PLEKHH1: variants seen among roughly 807,000 people sequenced by gnomAD.
PLEKHH1 encodes pleckstrin homology, MyTH4 and FERM domain containing H1, also known as pleckstrin homology domain-containing family H member 1.
A neutral mutation model predicts 160.0 loss-of-function variants in PLEKHH1; 104 were observed. The ratio of observed to expected loss-of-function variants is 0.65; its 90% CI spans 0.55 to 0.76. PLEKHH1 has a LOEUF of 0.76. Among genes scored for constraint, PLEKHH1 ranks in the 30% least tolerant of loss-of-function variants. PLEKHH1 has a pLI of 0.00. For missense variants in PLEKHH1, 1,427 were observed against 1,724.1 expected (o/e 0.83, Z 3.05); for synonymous variants, 619 against 678.4 (o/e 0.91, Z 1.36).
chr14:67,566,641 A>G (rs944407290), intron 7 of PLEKHH1, among the ~76,000 whole-genome samples: 2 of 151,996 alleles, frequency 1.3e-5, no homozygotes, highest in African/African-American at 4.8e-5. Context: ...CCAGCTACTC[A>G]GGAGGCTTAA....
intron 22 of PLEKHH1, chr14:67,580,292 T>C (rs2035833073): frequency 5.6e-6 from 1 of 177,808 alleles, no homozygotes; most frequent in South Asian, 1.4e-4. Flanking sequence ...GCCTATGCCA[T>C]GCTTATAGGT....
At chr14:67,567,268 A>G (rs1446698240) in intron 7 of PLEKHH1, among the ~76,000 whole-genome samples, 2 of 152,168 alleles carry the variant, frequency 1.3e-5, no homozygotes, top group African/African-American at 4.8e-5. Context: ...ATGTCAGAGA[A>G]CATTTCTCAA....
chr14:67,572,364 T>G, intron 11 of PLEKHH1, 87 bp downstream of exon 11: 4 of 871,028 alleles, frequency 4.6e-6, no homozygotes, highest in Non-Finnish European at 6.3e-6. Flanking sequence ...AGGCAGTAGC[T>G]GCCTGAAGTG....
Position 67,578,860 on chromosome 14 carries a change from ACT to A in PLEKHH1, c.2849+233_2849+234del, listed in dbSNP as rs1024429732. ...ATGTATCCACGGATGTACTGTGGCA[ACT>A]CTCACATGAAGCCACACTGCTCCCA... On this transcript the variant is annotated intron_variant, in intron 20 of 28. Transcript: ENST00000329153. This position sits in a 1 kb window ranked among gnomAD's most constrained non-coding sequence, Gnocchi z 5.0. Among the ~76,000 whole-genome samples the A allele has an allele frequency of 3.3e-5, 5 of 152,020 alleles. No homozygotes were observed. Among genetic ancestry groups the A allele is most frequent in the Admixed American group, 1.3e-4 (2 of 15,254 alleles).
chr14:67,544,238 T>C (rs1401722126), intron 2 of PLEKHH1, among the ~76,000 whole-genome samples: 1 of 152,148 alleles, frequency 6.6e-6, no homozygotes, highest in Non-Finnish European at 1.5e-5. Flanking sequence ...TAGTTAAGGC[T>C]CTGGGTAGAA....
At chr14:67,579,050 TG>T in intron 20 of PLEKHH1, 83 bp from the exon 21 acceptor site, 1 of 932,334 alleles carries the variant, frequency 1.1e-6, no homozygotes, top group Non-Finnish European at 1.6e-6. Context: ...GTTTTGGTCC[TG>T]GCTGAGTCTA....
At chr14:67,536,573 G>T (rs2033727349) in intron 1 of PLEKHH1, among the ~76,000 whole-genome samples, 1 of 151,766 alleles carries the variant, frequency 6.6e-6, no homozygotes, top group African/African-American at 2.4e-5. Context: ...CTATTTTGAG[G>T]CCTGTGGTGA....
intron 26 of PLEKHH1, chr14:67,585,304 T>C (rs2036098579): frequency 4.5e-6 from 2 of 444,202 alleles, no homozygotes; most frequent in South Asian, 4.5e-5. Context: ...CAGCATGGGT[T>C]CTAGGGACAT....
At chr14:67,560,149 C>T (rs2034771973) in intron 5 of PLEKHH1, among the ~76,000 whole-genome samples, 2 of 152,058 alleles carry the variant, frequency 1.3e-5, no homozygotes, top group African/African-American at 4.8e-5. Context: ...GCCTCAGCCT[C>T]CCTGAGTAGC....
chr14:67,552,347 T>A (rs867149465), intron 2 of PLEKHH1, among the ~76,000 whole-genome samples: 5 of 152,166 alleles, frequency 3.3e-5, no homozygotes, highest in Admixed American at 6.5e-5. Context: ...AGAAGAAAGA[T>A]CTGCCCTCGT....
intron 15 of PLEKHH1, 118 bp from the exon 16 acceptor site, chr14:67,575,705 C>T (rs1738986737): frequency 2.5e-6 from 2 of 798,432 alleles, no homozygotes; most frequent in Non-Finnish European, 4.1e-6. Flanking sequence ...TCCACCTCCC[C>T]ATCCTGTCAT....
chr14:67,572,012 A>C (rs2236233), intron 10 of PLEKHH1, 110 bp downstream of exon 10: 1 of 1,481,354 alleles, frequency 6.8e-7, no homozygotes, highest in Non-Finnish European at 9.1e-7. Flanking sequence ...GTGACCCCCC[A>C]GCAGCTCCAC....
rs533957302 is a variant in PLEKHH1 at position 67,589,425 on chromosome 14, C to CTGA, written c.*2192_*2194dup. On this transcript the variant is annotated 3_prime_UTR_variant, in exon 29 of 29. Transcript: ENST00000329153. Reference sequence around the variant, plus strand: ...CTTCTTGGCAAAAGTAGCTTTTGAACTGATATAAAAAAAAATGCTGAGTAA... The same window carrying CTGA: ...CTTCTTGGCAAAAGTAGCTTTTGAACTGATGATATAAAAAAAAATGCTGAGTAA... 1.7e-5 allele frequency: 17 copies of CTGA among 985,004 alleles called. No individual in the cohort carries two copies. The highest frequency in any genetic ancestry group is 5.3e-5 in the African/African-American group (3 of 57,138). 61.0% of individuals were successfully genotyped at this position (985,004 alleles called of 1,614,324 possible).
intron 23 of PLEKHH1, 118 bp from the exon 24 acceptor site, chr14:67,581,951 T>A: frequency 9.8e-7 from 1 of 1,017,132 alleles, no homozygotes; most frequent in Non-Finnish European, 1.4e-6. Context: ...AATAGGCTCA[T>A]AAATAGTGGG....
At chr14:67,567,146 C>T (rs529836471) in intron 7 of PLEKHH1, among the ~76,000 whole-genome samples, 6 of 113,026 alleles carry the variant, frequency 5.3e-5, no homozygotes, top group East Asian at 7.2e-4. Context: ...ACTCGTGTTC[C>T]GTGTTCCGGG....
At chr14:67,575,523 C>G (rs752483761) in intron 15 of PLEKHH1, 51 bp downstream of exon 15, 10 of 1,124,186 alleles carry the variant, frequency 8.9e-6, no homozygotes, top group East Asian at 2.5e-5. Flanking sequence ...CCCCGAAGCA[C>G]ATGACTGCCA....
At chr14:67,568,654 G>A (rs1324323129) in intron 7 of PLEKHH1, among the ~76,000 whole-genome samples, 1 of 152,124 alleles carries the variant, frequency 6.6e-6, no homozygotes, top group Non-Finnish European at 1.5e-5. Flanking sequence ...TTAAAAATGT[G>A]CCCTAAGTTC....
chr14:67,558,770 G>A (rs1304477316), intron 4 of PLEKHH1, among the ~76,000 whole-genome samples: 3 of 152,232 alleles, frequency 2.0e-5, no homozygotes, highest in African/African-American at 7.2e-5. Flanking sequence ...AACCAGGTCA[G>A]GGTTGGCCGA....
chr14:67,552,524 T>C (rs2034432524), intron 2 of PLEKHH1, among the ~76,000 whole-genome samples: 1 of 152,172 alleles, frequency 6.6e-6, no homozygotes. Context: ...TTCCAGCCCT[T>C]TGGGAGGCCG....
Sources: gnomAD v4.1 joint callset for allele counts (sites outside exome capture counted in the v4.1 genomes callset) on GRCh38, gnomAD v4.1.1 for gene constraint, Gnocchi (gnomAD v3.1) non-coding constraint, MANE v1.5 for transcripts, NCBI Gene and HGNC (gene_info 2026-07-23, HGNC 2026-07-21) for gene names.